CLASP2: variants seen among roughly 807,000 people sequenced by gnomAD.
CLASP2 encodes the protein cytoplasmic linker associated protein 2.
A neutral mutation model predicts 194.4 loss-of-function variants in CLASP2; 47 were observed. That is an observed-to-expected ratio of 0.24 (90% CI 0.19 to 0.31). The LOEUF is 0.31. CLASP2 is among the 10% of genes least tolerant of loss of function. The pLI is 1.00. For synonymous variants in CLASP2, 619 were observed against 633.5 expected, an observed-to-expected ratio of 0.98 and a Z score of 0.34; for missense variants, 1,445 against 1,823.6, an observed-to-expected ratio of 0.79 and a Z score of 3.78.
intron 29 of CLASP2, among the ~76,000 whole-genome samples, chr3:33,552,213 G>A (rs79861907): frequency 0.044 from 6,650 of 151,432 alleles, 468 homozygotes; most frequent in African/African-American, 0.15. Flanking sequence ...CCGTCTCCTG[G>A]GTTCAAACGG....
intron 7 of CLASP2, chr3:33,645,494 A>C (rs1575205593): frequency 1.7e-6 from 1 of 572,158 alleles, no homozygotes. Context: ...AGGTGCTGTA[A>C]CAGCCAATCA....
rs542884130 is a variant in CLASP2, at chr3:33,680,164, C to T, written c.644+4195G>A. On this transcript the variant is annotated intron_variant, in intron 6 of 38. Coordinates refer to ENST00000682230, the MANE Select transcript of CLASP2 (RefSeq NM_001365631.1). ...TTGTATGAATGTAACTATATGGAGACAGTAAAAAGATGAATGTTGCCAAGG... is the reference window on the plus strand; with the variant it reads ...TTGTATGAATGTAACTATATGGAGATAGTAAAAAGATGAATGTTGCCAAGG... Among the ~76,000 whole-genome samples, 5 of 152,154 alleles carry T rather than the reference C, an allele frequency of 3.3e-5. No homozygotes were observed. In the East Asian group the frequency reaches 5.8e-4, roughly 18 times the overall value.
chr3:33,591,633 A>T (rs898971073), intron 21 of CLASP2, among the ~76,000 whole-genome samples: 17 of 152,216 alleles, frequency 1.1e-4, no homozygotes, highest in African/African-American at 3.4e-4. Context: ...AAATACTTTT[A>T]AAAAATGCCA....
Position 33,626,991 on chromosome 3 carries a change from A to T in CLASP2, c.1032T>A (p.Asn344Lys). The change falls in exon 10 of 39, where the codon AAT becomes AAA. Residue 344 changes from asparagine to lysine, a missense_variant. Asn to Lys is a moderately conservative substitution (Grantham distance 94). Around this residue, in one of 4 missense-constraint regions of CLASP2, gnomAD observed 207 missense variants for 331.4 expected, o/e 0.62. Coordinates refer to ENST00000682230, the MANE Select transcript of CLASP2 (RefSeq NM_001365631.1). ...AAAATTAAAGACAAAAACTTACTGC[A>T]TTGGCACGCTGATCCCAGTCATGTT... ...DDKHDWDQRA[N>K]ALKKIRSLLV... 1 of 1,575,472 alleles carries T rather than the reference A, an allele frequency of 6.3e-7. No individual in the cohort carries two copies. The highest frequency in any genetic ancestry group is 1.2e-5 in the South Asian group (1 of 85,146).
intron 12 of CLASP2, among the ~76,000 whole-genome samples, chr3:33,616,824 C>A (rs1378672935): frequency 3.3e-5 from 5 of 149,432 alleles, no homozygotes; most frequent in Non-Finnish European, 3.0e-5. Flanking sequence ...TGCAACCTCC[C>A]CCTCCCAAGT....
chr3:33,525,607 G>A (rs2154117406), intron 34 of CLASP2, among the ~76,000 whole-genome samples: 1 of 152,280 alleles, frequency 6.6e-6, no homozygotes, highest in East Asian at 1.9e-4. Context: ...CTCAGGTCAG[G>A]AGATCTCCCT....
Position 33,510,590 on chromosome 3 carries a change from G to T in CLASP2, c.4285C>A (p.Leu1429Ile). The change falls in exon 37 of 39, where the codon CTT (leucine) becomes ATT (isoleucine). Residue 1429 changes from leucine (L) to isoleucine (I), a missense_variant. By Grantham distance (5) the Leu-to-Ile change is conservative. Around this residue, in one of 4 missense-constraint regions of CLASP2, gnomAD observed 732 missense variants for 987.9 expected, o/e 0.74. Transcript: ENST00000682230. ...ERVSKETLNL[L>I]LPEIMPGLIQ... The stretch of plus-strand genomic sequence containing the variant: ...AGACCTGGCATAATCTCTGGCAAAA[G>T]CAGGTTTAGGGTTTCCTTGGACACT... 1 of 1,613,862 alleles carries T rather than the reference G, an allele frequency of 6.2e-7. No homozygotes were observed.
intron 2 of CLASP2, among the ~76,000 whole-genome samples, chr3:33,691,556 T>C (rs2091353965): frequency 6.6e-6 from 1 of 152,198 alleles, no homozygotes; most frequent in South Asian, 2.1e-4. Context: ...AGTCTAATTA[T>C]GAGGCAACGT....
At chr3:33,607,109 G>T (rs2074036136) in intron 15 of CLASP2, among the ~76,000 whole-genome samples, 1 of 152,104 alleles carries the variant, frequency 6.6e-6, no homozygotes, top group African/African-American at 2.4e-5. Context: ...ACAATATCAG[G>T]TTCACAATAC....
intron 13 of CLASP2, among the ~76,000 whole-genome samples, chr3:33,610,686 C>T (rs1309587615): frequency 6.6e-6 from 1 of 152,138 alleles, no homozygotes; most frequent in African/African-American, 2.4e-5. Context: ...ACCCCCATCC[C>T]CTACCTTTTA....
intron 30 of CLASP2, among the ~76,000 whole-genome samples, chr3:33,548,996 C>A (rs779336186): frequency 7.3e-5 from 11 of 151,682 alleles, no homozygotes; most frequent in Non-Finnish European, 1.3e-4. Flanking sequence ...TGGTCTCAGA[C>A]TCCCAGCCTC....
chr3:33,607,347 G>C (rs1577112629), intron 15 of CLASP2, 37 bp downstream of exon 15: 1 of 1,415,712 alleles, frequency 7.1e-7, no homozygotes, highest in Non-Finnish European at 9.6e-7. Flanking sequence ...TTTTAAAAAA[G>C]ATTAAACTGT....
chr3:33,574,058 ATTTG>A (rs376433927), intron 24 of CLASP2, among the ~76,000 whole-genome samples: 9 of 152,280 alleles, frequency 5.9e-5, no homozygotes, highest in African/African-American at 1.7e-4. Flanking sequence ...TCTAAATCTT[ATTTG>A]TTTAATATAT....
At chr3:33,510,521 T>C in intron 37 of CLASP2, 37 bp downstream of exon 37, 1 of 1,582,198 alleles carries the variant, frequency 6.3e-7, no homozygotes, top group Non-Finnish European at 8.7e-7. Context: ...ATCCCAAATG[T>C]ATCATGGCTT....
intron 35 of CLASP2, 33 bp downstream of exon 35, chr3:33,516,948 G>A: frequency 6.4e-7 from 1 of 1,554,432 alleles, no homozygotes; most frequent in Non-Finnish European, 8.8e-7. Context: ...AGACAGGAAG[G>A]AAAGGCTACT....
rs1333184945 is a variant in CLASP2 at position 33,521,405 on chromosome 3, A to C, written c.3788-4231T>G. Among the ~76,000 whole-genome samples, 11 of 152,336 alleles carry C rather than the reference A, an allele frequency of 7.2e-5. No individual in the cohort carries two copies. In the South Asian group the frequency reaches 2.3e-3, roughly 32 times the overall value. ...TCAAAGTTAACATCACCAGTGATGG[A>C]GCACAGTGAAACCATGTGTTACTAG... On this transcript the variant is annotated intron_variant, in intron 34 of 38. Transcript: ENST00000682230.
At chr3:33,639,539 A>C (rs2080895460) in intron 8 of CLASP2, among the ~76,000 whole-genome samples, 1 of 152,200 alleles carries the variant, frequency 6.6e-6, no homozygotes, top group African/African-American at 2.4e-5. Flanking sequence ...TTGTCACTTT[A>C]ATTTTTGCAC....
chr3:33,551,170 A>G, intron 30 of CLASP2, 82 bp downstream of exon 30: 5 of 1,261,638 alleles, frequency 4.0e-6, no homozygotes, highest in Admixed American at 2.2e-5. Context: ...AGGTCCTGAA[A>G]ATATTAGCTT....
In CLASP2 at chr3:33,501,693, C is replaced by T. The variant is rs768804970; in HGVS notation, c.4393G>A (p.Asp1465Asn). ...TGACTGAGATGTGGTTTTAGTTCATCACCAATTACCGCATGAACAGCCACC... is the reference window on the plus strand; with the variant it reads ...TGACTGAGATGTGGTTTTAGTTCATTACCAATTACCGCATGAACAGCCACC... ...CLVAVHAVIG[D>N]ELKPHLSQLT... The change falls in exon 38 of 39, where the codon GAT (aspartate) becomes AAT (asparagine). Residue 1465 changes from aspartate (D) to asparagine (N), a missense_variant. This residue lies in a region of CLASP2 where 732 missense variants were observed against 987.9 expected (regional missense o/e 0.74). Transcript: ENST00000682230. The T allele has an allele frequency of 2.5e-6, 4 of 1,613,444 alleles. No homozygotes were observed. The highest frequency in any genetic ancestry group is 3.4e-6 in the Non-Finnish European group (4 of 1,179,592).
Sources: gnomAD v4.1 joint callset for allele counts (sites outside exome capture counted in the v4.1 genomes callset) on GRCh38, gnomAD v4.1.1 for gene constraint, gnomAD v4.1.1 regional missense constraint, MANE v1.5 for transcripts, NCBI Gene and HGNC (gene_info 2026-07-23, HGNC 2026-07-21) for gene names.